COL4A3: variants seen among roughly 807,000 people sequenced by gnomAD.
The protein encoded by COL4A3 is collagen type IV alpha 3 chain.
Under a neutral mutation model 217.4 loss-of-function variants are expected in COL4A3, and 135 were observed. That is an observed-to-expected ratio of 0.62 (90% CI 0.54 to 0.72). COL4A3 has a LOEUF of 0.72. Among genes scored for constraint, COL4A3 ranks in the 30% least tolerant of loss-of-function variants. COL4A3 has a pLI of 0.00. For synonymous variants in COL4A3, 690 were observed against 736.3 expected, an observed-to-expected ratio of 0.94 and a Z score of 1.02; for missense variants, 1,868 against 2,119.9, an observed-to-expected ratio of 0.88 and a Z score of 2.33.
rs55825399 is a variant in COL4A3 at position 227,297,809 on chromosome 2, T to C, written c.3701T>C (p.Ile1234Thr). 6.4e-7 allele frequency: 1 copy of C among 1,570,760 alleles called. No homozygotes were observed. The change falls in exon 42 of 52, where the codon ATC (isoleucine) becomes ACC (threonine). Residue 1234 changes from isoleucine (I) to threonine (T), a missense_variant. Around this residue, in one of 2 missense-constraint regions of COL4A3, gnomAD observed 1,503 missense variants for 1,786.1 expected, o/e 0.84. Coordinates refer to ENST00000396578, the MANE Select transcript of COL4A3 (RefSeq NM_000091.5). ...PGPPGLPGAI[I>T]PGQTGNRGPP... Reference sequence around the variant, plus strand: ...CCACCAGGTCTGCCCGGTGCAATTATCCCTGGCCAGACAGGAAATCGTGGT... The same window carrying C: ...CCACCAGGTCTGCCCGGTGCAATTACCCCTGGCCAGACAGGAAATCGTGGT...
chr2:227,283,028 TA>T (rs1217571468), intron 32 of COL4A3, among the ~76,000 whole-genome samples: 9 of 152,242 alleles, frequency 5.9e-5, no homozygotes, highest in Admixed American at 5.9e-4. Context: ...TCTAAATGAC[TA>T]ATTCAATCTC....
At chr2:227,252,154 T>C (rs978446713) in intron 11 of COL4A3, among the ~76,000 whole-genome samples, 4 of 150,422 alleles carry the variant, frequency 2.7e-5, no homozygotes, top group African/African-American at 9.8e-5. Flanking sequence ...CAACAGGAAA[T>C]TGGTCCTAAA....
intron 17 of COL4A3, 85 bp downstream of exon 17, chr2:227,256,481 A>G: frequency 9.5e-7 from 1 of 1,053,632 alleles, no homozygotes; most frequent in Non-Finnish European, 1.5e-6. Flanking sequence ...ACCTAAGTAC[A>G]AGGGATTACA....
At chr2:227,249,378 C>T (rs11888597) in intron 9 of COL4A3, among the ~76,000 whole-genome samples, 107,304 of 146,860 alleles carry the variant, frequency 0.73, 40,357 homozygotes, top group East Asian at 0.91. Context: ...TGGGACTACA[C>T]GCATGGGCCA....
intron 46 of COL4A3, 136 bp from the exon 47 acceptor site, chr2:227,304,849 C>A: frequency 2.7e-6 from 2 of 737,522 alleles, no homozygotes; most frequent in Non-Finnish European, 4.8e-6. Context: ...TCCTAGCTTG[C>A]CCAGGACTGA....
chr2:227,260,068 G>C (rs573806175), intron 19 of COL4A3, 191 bp downstream of exon 19: 2 of 746,384 alleles, frequency 2.7e-6, no homozygotes, highest in East Asian at 5.0e-5. Flanking sequence ...TGTATACCAG[G>C]AAGGTAATTA....
chr2:227,295,301 A>G lies in COL4A3; in HGVS notation c.3550A>G (p.Asn1184Asp). Residue 1184 changes from asparagine to aspartate, a missense_variant, in exon 41 of 52, where the codon AAC becomes GAC. Asn to Asp is a conservative substitution (Grantham distance 23). This residue lies in a region of COL4A3 where 1,503 missense variants were observed against 1,786.1 expected (regional missense o/e 0.84). Coordinates refer to ENST00000396578, the MANE Select transcript of COL4A3 (RefSeq NM_000091.5). ...LLRAPPGPRG[N>D]PGAQGAKGDR... Reference sequence around the variant, plus strand: ...GAGGGCCCCTCCAGGCCCAAGAGGGAACCCTGGTGCTCAAGGTAAGCAGTT... The same window carrying G: ...GAGGGCCCCTCCAGGCCCAAGAGGGGACCCTGGTGCTCAAGGTAAGCAGTT... 1 of 1,614,156 alleles carries G rather than the reference A, an allele frequency of 6.2e-7. No homozygotes were observed. The highest frequency in any genetic ancestry group is 8.5e-7 in the Non-Finnish European group (1 of 1,179,988).
intron 1 of COL4A3, among the ~76,000 whole-genome samples, chr2:227,219,107 G>A (rs990363040): frequency 4.0e-5 from 6 of 151,890 alleles, no homozygotes; most frequent in Non-Finnish European, 8.8e-5. Context: ...CGATTCTCCT[G>A]CCTCGGCCTC....
At chr2:227,196,999 G>A (rs117312626) in intron 1 of COL4A3, among the ~76,000 whole-genome samples, 2,839 of 151,788 alleles carry the variant, frequency 0.019, 61 homozygotes, top group East Asian at 0.11. Context: ...GTGTTCTCAT[G>A]GTAGTGAGTG....
At chr2:227,203,026 T>C (rs192712843) in intron 1 of COL4A3, among the ~76,000 whole-genome samples, 1 of 30,912 alleles carries the variant, frequency 3.2e-5, no homozygotes, top group Admixed American at 4.1e-4. Flanking sequence ...TGTATATATG[T>C]GTATATATAC....
intron 23 of COL4A3, among the ~76,000 whole-genome samples, chr2:227,267,432 CT>C (rs1056178118): frequency 7.2e-5 from 11 of 152,254 alleles, no homozygotes; most frequent in African/African-American, 2.4e-4. Flanking sequence ...TGCTCTCTCC[CT>C]TTTTTTCTCA....
At chr2:227,275,876 T>G (rs900165311) in intron 26 of COL4A3, among the ~76,000 whole-genome samples, 1 of 152,140 alleles carries the variant, frequency 6.6e-6, no homozygotes, top group Admixed American at 6.6e-5. Context: ...TAATTCCATA[T>G]TATCAATTTT....
chr2:227,178,210 T>G (rs1165136537), intron 1 of COL4A3, among the ~76,000 whole-genome samples: 1 of 151,934 alleles, frequency 6.6e-6, no homozygotes, highest in African/African-American at 2.4e-5. Context: ...CAATGTGACC[T>G]CTCTCTACCA....
chr2:227,226,376 A>G (rs13425744), intron 1 of COL4A3, among the ~76,000 whole-genome samples: 4,013 of 152,230 alleles, frequency 0.026, 186 homozygotes, highest in African/African-American at 0.09. Context: ...GACAGAAAGA[A>G]GAGACAGGTC....
intron 3 of COL4A3, among the ~76,000 whole-genome samples, chr2:227,243,872 T>C (rs1459577019): frequency 6.6e-6 from 1 of 152,244 alleles, no homozygotes; most frequent in African/African-American, 2.4e-5. Context: ...ACAGAAATAC[T>C]GGCTGGCATT....
At chr2:227,261,223 C>T (rs1388713868) in intron 20 of COL4A3, 106 bp downstream of exon 20, 2 of 1,041,760 alleles carry the variant, frequency 1.9e-6, no homozygotes, top group Non-Finnish European at 1.5e-6. Context: ...GTTTCATTAA[C>T]TGATCTAGAA....
At chr2:227,180,870 A>T (rs2065848141) in intron 1 of COL4A3, among the ~76,000 whole-genome samples, 1 of 152,226 alleles carries the variant, frequency 6.6e-6, no homozygotes, top group Non-Finnish European at 1.5e-5. Context: ...ACCTAGTATC[A>T]ACTTCCTGGA....
intron 1 of COL4A3, among the ~76,000 whole-genome samples, chr2:227,176,415 G>T (rs1292021906): frequency 6.6e-6 from 1 of 152,088 alleles, no homozygotes; most frequent in East Asian, 1.9e-4. Context: ...TCAGCATTTT[G>T]GTATTAATTA....
intron 38 of COL4A3, chr2:227,294,035 G>C: frequency 3.3e-6 from 1 of 298,664 alleles, no homozygotes; most frequent in East Asian, 9.1e-5. Flanking sequence ...CTACAACACT[G>C]TGCTGTGACT....
Sources: gnomAD v4.1 joint callset for allele counts (sites outside exome capture counted in the v4.1 genomes callset) on GRCh38, gnomAD v4.1.1 for gene constraint, gnomAD v4.1.1 regional missense constraint, MANE v1.5 for transcripts, NCBI Gene and HGNC (gene_info 2026-07-23, HGNC 2026-07-21) for gene names.